ADAMTS9: variants seen among roughly 807,000 people sequenced by gnomAD.
ADAMTS9 encodes the protein A disintegrin and metalloproteinase with thrombospondin motifs 9.
In ADAMTS9, 107 loss-of-function variants were observed where a neutral mutation model predicts 257.1. The observed-to-expected ratio is 0.42, with a 90% CI of 0.36 to 0.49. The LOEUF is 0.49. Among genes scored for constraint, ADAMTS9 ranks in the 20% least tolerant of loss-of-function variants. ADAMTS9 has a pLI of 0.03. For synonymous variants in ADAMTS9, 982 were observed against 880.9 expected (o/e 1.11, Z -2.03); for missense variants, 2,353 against 2,469.1 (o/e 0.95, Z 1.00).
chr3:64,575,797 A>T (rs1037567236), intron 28 of ADAMTS9, among the ~76,000 whole-genome samples: 1 of 152,230 alleles, frequency 6.6e-6, no homozygotes, highest in Non-Finnish European at 1.5e-5. Context: ...GAGACAATGC[A>T]TGCAAAGCTC....
chr3:64,681,197 A>T lies in ADAMTS9; in HGVS notation c.679+4T>A. The stretch of plus-strand genomic sequence containing the variant: ...GGCTCTCCGCTTAAGCAAGAAGCAA[A>T]TACCTGAGGTGTCACATGCATGCCT... On this transcript the variant is annotated splice_donor_region_variant and intron_variant, in intron 3 of 39. Transcript: ENST00000498707. 6.2e-7 allele frequency: 1 copy of T among 1,610,420 alleles called. No homozygotes were observed.
chr3:64,569,455 A>G (rs1433550204), intron 28 of ADAMTS9, among the ~76,000 whole-genome samples: 2 of 152,190 alleles, frequency 1.3e-5, no homozygotes, highest in Non-Finnish European at 2.9e-5. Context: ...TGAAGAACAA[A>G]ATGTGAAAAC....
chr3:64,621,101 A>G lies in ADAMTS9; in HGVS notation c.2813+13T>C. On this transcript the variant is annotated intron_variant, in intron 19 of 39. Transcript: ENST00000498707. Reference sequence around the variant, plus strand: ...AATTCAGTAATAAAGGCCTTGAGAAAACAGTGGCCCACCTCAGGTCACAGT... The same window carrying G: ...AATTCAGTAATAAAGGCCTTGAGAAGACAGTGGCCCACCTCAGGTCACAGT... The G allele has an allele frequency of 6.3e-7, 1 of 1,599,192 alleles. No homozygotes were observed. Among genetic ancestry groups the G allele is most frequent in the Non-Finnish European group, 8.5e-7 (1 of 1,174,216 alleles).
intron 39 of ADAMTS9, 65 bp downstream of exon 39, chr3:64,522,101 C>G: frequency 7.1e-7 from 1 of 1,413,538 alleles, no homozygotes; most frequent in Non-Finnish European, 1.0e-6. Flanking sequence ...CCCACATTTG[C>G]TCATATAGGC....
At chr3:64,623,162 T>C (rs1700148341) in intron 16 of ADAMTS9, among the ~76,000 whole-genome samples, 1 of 152,212 alleles carries the variant, frequency 6.6e-6, no homozygotes, top group Non-Finnish European at 1.5e-5. Context: ...CCTTGTGGCA[T>C]GGTATTCACA....
chr3:64,530,549 A>AG (rs1559748799), intron 38 of ADAMTS9, among the ~76,000 whole-genome samples: 1 of 147,376 alleles, frequency 6.8e-6, no homozygotes, highest in African/African-American at 2.5e-5. Flanking sequence ...AAAAAAAAAA[A>AG]TGCCGACAGG....
chr3:64,538,415 T>A (rs749138134), intron 37 of ADAMTS9, among the ~76,000 whole-genome samples: 19 of 152,022 alleles, frequency 1.2e-4, no homozygotes, highest in Non-Finnish European at 2.2e-4. Context: ...TTTATTTTTT[T>A]AAAAATTGGT....
chr3:64,669,756 A>G (rs1701440460), intron 3 of ADAMTS9, among the ~76,000 whole-genome samples: 1 of 152,130 alleles, frequency 6.6e-6, no homozygotes, highest in African/African-American at 2.4e-5. Context: ...GAACAACACA[A>G]AAGGAGTGGA....
intron 3 of ADAMTS9, among the ~76,000 whole-genome samples, chr3:64,668,406 GTATACCAGAGACAGCGTATTA>G (rs1277694389): frequency 6.6e-6 from 1 of 152,174 alleles, no homozygotes; most frequent in African/African-American, 2.4e-5. Flanking sequence ...TTTGCAGAGT[GTATACCAGAGACAGCGTATTA>G]CGGGAGATAA....
chr3:64,556,201 G>A (rs1023142655), intron 30 of ADAMTS9, among the ~76,000 whole-genome samples: 3 of 152,194 alleles, frequency 2.0e-5, no homozygotes, highest in Admixed American at 6.5e-5. Context: ...AAACAGCAGC[G>A]AGGTGAGCAG....
At chr3:64,659,607 G>T (rs1194239182) in intron 3 of ADAMTS9, among the ~76,000 whole-genome samples, 1 of 152,146 alleles carries the variant, frequency 6.6e-6, no homozygotes, top group African/African-American at 2.4e-5. Context: ...GCACAACCAG[G>T]TATTTTATTA....
chr3:64,606,120 G>A (rs374497527), intron 23 of ADAMTS9, among the ~76,000 whole-genome samples: 1 of 152,324 alleles, frequency 6.6e-6, no homozygotes. Context: ...TGATGTGGAA[G>A]ATGTCTTTGC....
intron 6 of ADAMTS9, among the ~76,000 whole-genome samples, 162 bp downstream of exon 6, chr3:64,655,414 T>A (rs1426284283): frequency 6.6e-6 from 1 of 152,142 alleles, no homozygotes; most frequent in East Asian, 1.9e-4. Context: ...AGGGATGCTG[T>A]TAAACATCTT....
intron 31 of ADAMTS9, among the ~76,000 whole-genome samples, chr3:64,548,402 A>T (rs1206543542): frequency 2.6e-5 from 4 of 152,316 alleles, no homozygotes; most frequent in African/African-American, 9.6e-5. Flanking sequence ...GTGTAAGGCC[A>T]GCCCGGGGTG....
chr3:64,628,459 A>G (rs1360885930), intron 16 of ADAMTS9, among the ~76,000 whole-genome samples: 1 of 152,202 alleles, frequency 6.6e-6, no homozygotes, highest in African/African-American at 2.4e-5. Context: ...GCTGCATGCA[A>G]TGCTGTTTCA....
At chr3:64,584,215 T>C (rs1576076924) in intron 28 of ADAMTS9, 1 of 151,986 alleles carries the variant, frequency 6.6e-6, no homozygotes, top group Non-Finnish European at 1.5e-5. Flanking sequence ...TAGCAGTCGA[T>C]TAAGAAAAGG....
At chr3:64,632,840 A>C (rs1406236642) in intron 14 of ADAMTS9, among the ~76,000 whole-genome samples, 3 of 150,632 alleles carry the variant, frequency 2.0e-5, no homozygotes, top group Non-Finnish European at 4.4e-5. Context: ...AAAAAAAAAA[A>C]ACAAACAAAA....
intron 28 of ADAMTS9, chr3:64,589,663 C>G (rs985825017): frequency 6.6e-6 from 1 of 152,170 alleles, no homozygotes; most frequent in Non-Finnish European, 1.5e-5. Context: ...CAGGGACCCT[C>G]CTTACCTTGG....
chr3:64,530,895 T>G (rs1211964971), intron 38 of ADAMTS9, among the ~76,000 whole-genome samples: 2 of 152,168 alleles, frequency 1.3e-5, no homozygotes, highest in African/African-American at 4.8e-5. Context: ...AAACATCATG[T>G]TGTACACGAT....
Sources: gnomAD v4.1 joint callset for allele counts (sites outside exome capture counted in the v4.1 genomes callset) on GRCh38, gnomAD v4.1.1 for gene constraint, MANE v1.5 for transcripts, NCBI Gene and HGNC (gene_info 2026-07-23, HGNC 2026-07-21) for gene names.